The following HNRNPC variants were observed in gnomAD, a reference collection of about 807,000 sequenced individuals.
The protein encoded by HNRNPC is heterogeneous nuclear ribonucleoprotein C, also known as heterogeneous nuclear ribonucleoproteins C1/C2.
Under a neutral mutation model 33.2 loss-of-function variants are expected in HNRNPC, and 3 were observed. The observed-to-expected ratio is 0.09, with a 90% CI of 0.04 to 0.23. The LOEUF (loss-of-function observed/expected upper bound fraction) is 0.23. HNRNPC is among the 10% of genes least tolerant of loss of function. The pLI is 1.00. For missense variants in HNRNPC, 143 were observed against 366.7 expected, an observed-to-expected ratio of 0.39 and a Z score of 4.98; for synonymous variants, 121 against 126.7, an observed-to-expected ratio of 0.96 and a Z score of 0.30.
At chr14:21,244,433 T>TC (rs1895717458) in intron 2 of HNRNPC, among the ~76,000 whole-genome samples, 1 of 152,214 alleles carries the variant, frequency 6.6e-6, no homozygotes. Context: ...TCATTTAATT[T>TC]CCCCCGAGGT....
At chr14:21,257,382 T>C (rs1398258284) in intron 2 of HNRNPC, among the ~76,000 whole-genome samples, 2 of 147,756 alleles carry the variant, frequency 1.4e-5, no homozygotes, top group African/African-American at 5.0e-5. Context: ...GGAAGCAAAG[T>C]AAAAAAAAAA....
rs1338934729 is a variant in HNRNPC, at chr14:21,219,075, A to G, written c.366-5958T>C. On this transcript the variant is annotated intron_variant, in intron 5 of 8. Transcript: ENST00000553300. ...CAGTAAGCCAAGACCGCACCACTGC[A>G]CTCCAGACTGGGAACAGAGCGAGAC... Among the ~76,000 whole-genome samples the G allele has an allele frequency of 3.3e-5, 5 of 149,710 alleles. No homozygotes were observed. The East Asian group carries it at 9.7e-4, about 29-fold the overall frequency.
intron 2 of HNRNPC, among the ~76,000 whole-genome samples, chr14:21,237,678 G>C (rs1387534228): frequency 1.3e-5 from 2 of 152,162 alleles, no homozygotes; most frequent in Non-Finnish European, 2.9e-5. Flanking sequence ...GAAATCCTAA[G>C]AACAGTCCCT....
At chr14:21,214,830 C>T (rs1391656368) in intron 5 of HNRNPC, among the ~76,000 whole-genome samples, 1 of 152,154 alleles carries the variant, frequency 6.6e-6, no homozygotes, top group Non-Finnish European at 1.5e-5. Flanking sequence ...CTTGCACAAA[C>T]ACAAATTGCT....
Position 21,211,409 on chromosome 14 carries a change from G to A in HNRNPC, c.795C>T (p.Asp265=), listed in dbSNP as rs774261893. Residue 265 remains aspartate, a synonymous_variant, in exon 8 of 9, where the codon GAC becomes GAT. Transcript: ENST00000553300. ...TTTCCTTTCCCGTGGTTTTCACCTG[G>A]TCATCCCCCCGATCTTCATTATCAT... is the stretch of plus-strand genomic sequence containing the variant. ...DDDDNEDRGD[D]QLELIKDDEK... 4 of 1,600,272 alleles carry A rather than the reference G, an allele frequency of 2.5e-6. No individual in the cohort carries two copies. The highest frequency in any genetic ancestry group is 1.4e-5 in the African/African-American group (1 of 69,870).
chr14:21,238,907 A>G (rs911744768), intron 2 of HNRNPC, among the ~76,000 whole-genome samples: 21 of 152,150 alleles, frequency 1.4e-4, no homozygotes, highest in African/African-American at 3.4e-4. Flanking sequence ...CAGGCAGTTC[A>G]CATCAGGTCA....
chr14:21,233,534 G>A (rs149553573), intron 3 of HNRNPC, among the ~76,000 whole-genome samples: 2 of 152,290 alleles, frequency 1.3e-5, no homozygotes, highest in Admixed American at 6.5e-5. Flanking sequence ...ACTCTGAGGT[G>A]TCATTACATT....
chr14:21,227,003 A>G (rs1451967680), intron 5 of HNRNPC, among the ~76,000 whole-genome samples: 1 of 152,088 alleles, frequency 6.6e-6, no homozygotes, highest in Non-Finnish European at 1.5e-5. Context: ...AACATAGTCA[A>G]TGAAGTATCG....
intron 5 of HNRNPC, among the ~76,000 whole-genome samples, chr14:21,228,532 C>A (rs1893731571): frequency 6.6e-6 from 1 of 152,032 alleles, no homozygotes. Flanking sequence ...GCTGGGACTA[C>A]AGGCGCGTGC....
Position 21,231,366 on chromosome 14 carries a change from C to T in HNRNPC, c.242-294G>A, listed in dbSNP as rs972670479. The T allele has an allele frequency of 9.9e-6, 5 of 507,548 alleles. No individual in the cohort carries two copies. In the East Asian group the frequency reaches 2.7e-4, roughly 28 times the overall value. 31.4% of individuals were successfully genotyped at this position (507,548 alleles called of 1,614,324 possible). On this transcript the variant is annotated intron_variant, in intron 3 of 8. Coordinates refer to ENST00000553300, the MANE Select transcript of HNRNPC (RefSeq NM_004500.4). ...TTAGAAAATGTGGAACAAAACAACT[C>T]ATCTTTCCTTAAGACACTGTCTCAC...
At chr14:21,265,507 C>T (rs1475611769) in intron 1 of HNRNPC, 1 of 152,166 alleles carries the variant, frequency 6.6e-6, no homozygotes, top group African/African-American at 2.4e-5. Context: ...GCACCATTTT[C>T]AATCAAGAAT....
chr14:21,234,376 G>A, intron 2 of HNRNPC, 147 bp from the exon 3 acceptor site: 1 of 600,754 alleles, frequency 1.7e-6, no homozygotes, highest in East Asian at 3.1e-5. Context: ...GTATGTATTT[G>A]CTAATAATTT....
In HNRNPC at chr14:21,214,464, T is replaced by C. The variant is rs187936603; in HGVS notation, c.366-1347A>G. On this transcript the variant is annotated intron_variant, in intron 5 of 8. Transcript: ENST00000553300. The stretch of plus-strand genomic sequence containing the variant: ...CAGGAGTGGCTATGGACAGGAACAT[T>C]TTCCTAAATTAAAAGAGCAAGGAAA... 1.3e-4 allele frequency among the ~76,000 whole-genome samples: 20 copies of C among 152,254 alleles called. 1 individual carries two copies. The East Asian group carries it at 3.9e-3, about 29-fold the overall frequency.
intron 2 of HNRNPC, among the ~76,000 whole-genome samples, chr14:21,253,173 T>C (rs1184765998): frequency 2.5e-5 from 3 of 118,786 alleles, no homozygotes; most frequent in African/African-American, 9.4e-5. Context: ...ACTCTGTCTT[T>C]AAAAAAAAAA....
chr14:21,242,040 A>G (rs1375990920), intron 2 of HNRNPC, among the ~76,000 whole-genome samples: 2 of 152,188 alleles, frequency 1.3e-5, no homozygotes, highest in Non-Finnish European at 2.9e-5. Flanking sequence ...CTCACTCTAA[A>G]TCCTAATATA....
At position 21,258,168 on chromosome 14, in the gene HNRNPC, G is replaced by A. The variant is rs527359996; in HGVS notation, c.-37+5143C>T. Reference sequence around the variant, plus strand: ...AGCACTTTGGGAAATCGAGGTGGGCGGATCACGAGGTCAGGATTTCTAGAC... The same window carrying A: ...AGCACTTTGGGAAATCGAGGTGGGCAGATCACGAGGTCAGGATTTCTAGAC... On this transcript the variant is annotated intron_variant, in intron 2 of 8. Coordinates refer to ENST00000553300, the MANE Select transcript of HNRNPC (RefSeq NM_004500.4). Among the ~76,000 whole-genome samples the A allele has an allele frequency of 8.0e-4, 122 of 152,164 alleles. 1 individual carries two copies. In the South Asian group the frequency reaches 0.011, roughly 14 times the overall value.
chr14:21,253,122 C>T (rs1366197903), intron 2 of HNRNPC, among the ~76,000 whole-genome samples: 4 of 149,360 alleles, frequency 2.7e-5, no homozygotes, highest in Non-Finnish European at 4.4e-5. Flanking sequence ...TGCAGTGAGC[C>T]GGGATCGCAC....
At chr14:21,237,247 T>C (rs1894797378) in intron 2 of HNRNPC, among the ~76,000 whole-genome samples, 1 of 152,254 alleles carries the variant, frequency 6.6e-6, no homozygotes, top group Non-Finnish European at 1.5e-5. Context: ...TTACTAGCAC[T>C]TTCTCACTTT....
intron 2 of HNRNPC, among the ~76,000 whole-genome samples, chr14:21,252,765 G>A (rs1048428803): frequency 1.3e-5 from 2 of 152,140 alleles, no homozygotes; most frequent in African/African-American, 4.8e-5. Context: ...GGAAGGGGGT[G>A]GATGGGGAGA....
Sources: allele counts gnomAD v4.1 joint callset (sites outside exome capture counted in the v4.1 genomes callset), GRCh38; gene constraint gnomAD v4.1.1; transcripts MANE v1.5; gene names NCBI Gene and HGNC (gene_info 2026-07-23, HGNC 2026-07-21).